The following SOS2 variants were observed in gnomAD, a reference collection of about 807,000 sequenced individuals.
SOS2 encodes the protein son of sevenless homolog 2.
In SOS2, 65 loss-of-function variants were observed where a neutral mutation model predicts 148.2. The ratio of observed to expected loss-of-function variants is 0.44; its 90% CI spans 0.36 to 0.54. The LOEUF (loss-of-function observed/expected upper bound fraction) is 0.54. SOS2 is among the 20% of genes least tolerant of loss of function. SOS2 has a pLI of 0.00. For missense variants in SOS2, 1,341 were observed against 1,590.2 expected (o/e 0.84, Z 2.67); for synonymous variants, 539 against 537.1 (o/e 1.00, Z -0.05).
intron 20 of SOS2, 92 bp downstream of exon 20, chr14:50,130,409 C>CA: frequency 1.9e-6 from 2 of 1,050,696 alleles, no homozygotes; most frequent in Non-Finnish European, 2.8e-6. Context: ...ATATAGTTTG[C>CA]AAAGGATTCT....
intron 16 of SOS2, among the ~76,000 whole-genome samples, chr14:50,140,648 A>G (rs549305709): frequency 3.9e-4 from 59 of 152,318 alleles, no homozygotes; most frequent in African/African-American, 1.4e-3. Flanking sequence ...GGAAAAAGCC[A>G]AGGGTATAAC....
At chr14:50,225,883 C>T (rs1887356031) in intron 1 of SOS2, among the ~76,000 whole-genome samples, 1 of 152,176 alleles carries the variant, frequency 6.6e-6, no homozygotes, top group South Asian at 2.1e-4. Context: ...GTCTACCATA[C>T]TAGCTTCATC....
chr14:50,130,321 G>C (rs972704537), intron 20 of SOS2, among the ~76,000 whole-genome samples, 180 bp downstream of exon 20: 3 of 152,150 alleles, frequency 2.0e-5, no homozygotes, highest in African/African-American at 7.2e-5. Context: ...AAGATAATAT[G>C]CATCAACAAT....
chr14:50,211,532 T>C (rs1886870420), intron 1 of SOS2, among the ~76,000 whole-genome samples: 1 of 151,972 alleles, frequency 6.6e-6, no homozygotes, highest in Non-Finnish European at 1.5e-5. Flanking sequence ...CACCCGTAAA[T>C]GAGAACATGC....
intron 8 of SOS2, among the ~76,000 whole-genome samples, chr14:50,165,298 G>C (rs552113918): frequency 6.6e-6 from 1 of 152,266 alleles, no homozygotes; most frequent in Non-Finnish European, 1.5e-5. Flanking sequence ...CCCCAAAACA[G>C]GAACTGGTCA....
intron 22 of SOS2, among the ~76,000 whole-genome samples, chr14:50,119,162 T>G (rs1274470839): frequency 6.6e-6 from 1 of 152,236 alleles, no homozygotes; most frequent in Non-Finnish European, 1.5e-5. Context: ...TTTATAGACA[T>G]GAAAGGACAT....
At chr14:50,130,408 G>C in intron 20 of SOS2, 93 bp downstream of exon 20, 1 of 1,023,074 alleles carries the variant, frequency 9.8e-7, no homozygotes, top group Non-Finnish European at 1.4e-6. Flanking sequence ...AATATAGTTT[G>C]CAAAGGATTC....
At position 50,231,234 on chromosome 14, in the gene SOS2, G is replaced by A. The variant is rs1015229594; in HGVS notation, c.50C>T (p.Pro17Leu). ...CGAGACCAACAGTCCCCGCCATTTC[G>A]GACTGTTCTCCTCGCTGAAGAACTC... ...PYEFFSEENS[P>L]KWRGLLVSAL... The change falls in exon 1 of 23, where the codon CCG becomes CTG. Residue 17 changes from proline to leucine, a missense_variant. Physicochemically the swap from Pro to Leu is moderately conservative, Grantham distance 98 (BLOSUM62 -3). Around this residue, in one of 4 missense-constraint regions of SOS2, gnomAD observed 574 missense variants for 711.1 expected, o/e 0.81. Transcript: ENST00000216373. The A allele has an allele frequency of 6.6e-6, 10 of 1,515,260 alleles. No homozygotes were observed. The highest frequency in any genetic ancestry group is 8.9e-6 in the Non-Finnish European group (10 of 1,120,814). The allele number at this position is 1,515,260 out of a possible 1,614,324, so 93.9% of individuals were successfully genotyped here. A position where few individuals can be genotyped will look rare whatever the true frequency, so the allele number is the denominator to read the frequency against.
At position 50,130,730 on chromosome 14, in the gene SOS2, AG is replaced by A; in HGVS notation, c.3107del (p.Pro1036LeufsTer3). 6.2e-7 allele frequency: 1 copy of A among 1,606,322 alleles called. No individual in the cohort carries two copies. Among genetic ancestry groups the A allele is most frequent in the Non-Finnish European group, 8.5e-7 (1 of 1,177,006 alleles). On this transcript the variant is annotated frameshift_variant, in exon 20 of 23. Coordinates refer to ENST00000216373, the MANE Select transcript of SOS2 (RefSeq NM_006939.4). LOFTEE classifies it high-confidence loss of function. ...PRKSTFSLKS[P>X]GIRPNTGRHG... is the part of the protein sequence containing the mutation. ...GTCGGCCTGTGTTAGGCCTTATTCCAGGAGATTTTAAGGAAAAAGTTGATTT... is the reference window on the plus strand; with the variant it reads ...GTCGGCCTGTGTTAGGCCTTATTCCAGAGATTTTAAGGAAAAAGTTGATTT...
At chr14:50,223,031 T>C (rs1168364906) in intron 1 of SOS2, among the ~76,000 whole-genome samples, 1 of 152,164 alleles carries the variant, frequency 6.6e-6, no homozygotes, top group Non-Finnish European at 1.5e-5. Flanking sequence ...TAACTAAATA[T>C]ATAGTTTGAG....
At chr14:50,123,463 C>T (rs1471508022) in intron 21 of SOS2, among the ~76,000 whole-genome samples, 2 of 140,730 alleles carry the variant, frequency 1.4e-5, no homozygotes, top group Non-Finnish European at 3.0e-5. Context: ...CTCACTGCAA[C>T]CTCCGCCTCC....
chr14:50,137,922 C>T (rs1884137659), intron 18 of SOS2, among the ~76,000 whole-genome samples: 1 of 152,184 alleles, frequency 6.6e-6, no homozygotes, highest in Non-Finnish European at 1.5e-5. Flanking sequence ...TCACTGCAGC[C>T]TCCACCTCCT....
Position 50,136,404 on chromosome 14 carries a change from T to C in SOS2, c.2959-2165A>G, listed in dbSNP as rs192629944. On this transcript the variant is annotated intron_variant, in intron 18 of 22. Coordinates refer to ENST00000216373, the MANE Select transcript of SOS2 (RefSeq NM_006939.4). ...AAACACCAATTAGCAGGTATGGTTC[T>C]GAGATATAAATACTAAAAGTACTAT... Among the ~76,000 whole-genome samples, 381 of 152,290 alleles carry C rather than the reference T, an allele frequency of 2.5e-3. 3 individuals are homozygous for C. The highest frequency in any genetic ancestry group is 4.2e-3 in the Non-Finnish European group (283 of 68,014).
At chr14:50,128,154 A>G (rs1392750293) in intron 21 of SOS2, among the ~76,000 whole-genome samples, 1 of 152,152 alleles carries the variant, frequency 6.6e-6, no homozygotes, top group Non-Finnish European at 1.5e-5. Context: ...CAAGGATCCA[A>G]CACAGGAGGG....
In SOS2 at chr14:50,120,214, C is replaced by T. The variant is rs1883456962; in HGVS notation, c.3489+61G>A. 1.2e-5 allele frequency: 9 copies of T among 768,892 alleles called. No homozygotes were observed. In the Admixed American group the frequency reaches 1.3e-4, roughly 11 times the overall value. The allele number at this position is 768,892 out of a possible 1,614,324, so 47.6% of individuals were successfully genotyped here. ...TATAATTCACAGACTCTTTATAACACTAGGCATTATTTTGAAGATTCACAA... is the reference window on the plus strand; with the variant it reads ...TATAATTCACAGACTCTTTATAACATTAGGCATTATTTTGAAGATTCACAA... On this transcript the variant is annotated intron_variant, in intron 22 of 22. Coordinates refer to ENST00000216373, the MANE Select transcript of SOS2 (RefSeq NM_006939.4).
chr14:50,165,032 T>A (rs1885125445), intron 8 of SOS2, among the ~76,000 whole-genome samples: 1 of 151,832 alleles, frequency 6.6e-6, no homozygotes, highest in Non-Finnish European at 1.5e-5. Flanking sequence ...TACGGCTGAA[T>A]GGTTTTGCAG....
At chr14:50,202,429 C>T (rs1886521682) in intron 2 of SOS2, among the ~76,000 whole-genome samples, 1 of 152,198 alleles carries the variant, frequency 6.6e-6, no homozygotes, top group South Asian at 2.1e-4. Flanking sequence ...CTGTTTATTT[C>T]ATGTTCAAAA....
chr14:50,123,836 C>A (rs1883601822), intron 21 of SOS2, among the ~76,000 whole-genome samples: 1 of 152,066 alleles, frequency 6.6e-6, no homozygotes, highest in African/African-American at 2.4e-5. Flanking sequence ...GTGGCTTGGA[C>A]CAGGGTGGCA....
intron 1 of SOS2, among the ~76,000 whole-genome samples, chr14:50,226,643 C>T (rs1318273724): frequency 6.6e-6 from 1 of 152,214 alleles, no homozygotes; most frequent in Non-Finnish European, 1.5e-5. Context: ...TAATTGGACT[C>T]AGGAACAAAG....
Sources: gnomAD v4.1 joint callset for allele counts (sites outside exome capture counted in the v4.1 genomes callset) on GRCh38, gnomAD v4.1.1 for gene constraint, gnomAD v4.1.1 regional missense constraint, MANE v1.5 for transcripts, NCBI Gene and HGNC (gene_info 2026-07-23, HGNC 2026-07-21) for gene names.